HS6ST3: variants seen among roughly 807,000 people sequenced by gnomAD.
HS6ST3 encodes heparan-sulfate 6-O-sulfotransferase 3.
A neutral mutation model predicts 36.7 loss-of-function variants in HS6ST3; 12 were observed. The observed-to-expected ratio is 0.33, with a 90% CI of 0.21 to 0.53. The LOEUF is 0.53. Among genes scored for constraint, HS6ST3 ranks in the 20% least tolerant of loss-of-function variants. The probability of loss-of-function intolerance (pLI) is 0.95; values close to 1 mark genes in which losing one functional copy is unlikely to be tolerated. For synonymous variants in HS6ST3, 240 were observed against 257.5 expected (o/e 0.93, Z 0.65); for missense variants, 584 against 640.9 (o/e 0.91, Z 0.96).
At chr13:96,778,965 T>C (rs572841297) in intron 1 of HS6ST3, among the ~76,000 whole-genome samples, 1 of 152,232 alleles carries the variant, frequency 6.6e-6, no homozygotes, top group East Asian at 1.9e-4. Context: ...GTGGCACATA[T>C]ACACCATGGA....
chr13:96,819,678 G>A (rs1450757456), intron 1 of HS6ST3, among the ~76,000 whole-genome samples: 1 of 152,142 alleles, frequency 6.6e-6, no homozygotes, highest in Non-Finnish European at 1.5e-5. Context: ...ATTTAAACAA[G>A]CAAACTAAAT....
chr13:96,139,999 A>T (rs1335102097), intron 1 of HS6ST3, among the ~76,000 whole-genome samples: 5 of 152,192 alleles, frequency 3.3e-5, no homozygotes, highest in Admixed American at 3.3e-4. Context: ...GATGTGGGAC[A>T]ATTTGAAAAA....
chr13:96,385,678 AG>A (rs562957494), intron 1 of HS6ST3, among the ~76,000 whole-genome samples: 1 of 152,244 alleles, frequency 6.6e-6, no homozygotes, highest in Non-Finnish European at 1.5e-5. Flanking sequence ...ATGTAAATGT[AG>A]ATAATGCTAT....
chr13:96,779,794 C>G (rs1026471244), intron 1 of HS6ST3, among the ~76,000 whole-genome samples: 39 of 148,154 alleles, frequency 2.6e-4, no homozygotes, highest in African/African-American at 9.4e-4. Flanking sequence ...AAACATTGTT[C>G]TTATTTATAA....
chr13:96,475,282 A>G (rs535179111), intron 1 of HS6ST3, among the ~76,000 whole-genome samples: 2 of 152,228 alleles, frequency 1.3e-5, no homozygotes, highest in East Asian at 3.9e-4. Context: ...GGTTTAAGCT[A>G]TGCCTTGCAA....
intron 1 of HS6ST3, among the ~76,000 whole-genome samples, chr13:96,807,487 C>A (rs1282576267): frequency 6.6e-6 from 1 of 152,024 alleles, no homozygotes; most frequent in Non-Finnish European, 1.5e-5. Context: ...GGGAGAATGC[C>A]ATATGAAACG....
In HS6ST3 at chr13:96,534,718, G is replaced by A. The variant is rs2056148518; in HGVS notation, c.708-297772G>A. Among the ~76,000 whole-genome samples, 3 of 152,202 alleles carry A rather than the reference G, an allele frequency of 2.0e-5. No homozygotes were observed. The South Asian group carries it at 6.2e-4, about 31-fold the overall frequency. On this transcript the variant is annotated intron_variant, in intron 1 of 1. Transcript: ENST00000376705. ...ACACGCCTGTAATCCCAGTGCTTTG[G>A]GAGGCTGAGGCAGGTGGATCACCTG... is the stretch of plus-strand genomic sequence containing the variant.
chr13:96,119,633 C>T (rs1171321184), intron 1 of HS6ST3, among the ~76,000 whole-genome samples: 5 of 152,096 alleles, frequency 3.3e-5, no homozygotes, highest in African/African-American at 9.7e-5. Flanking sequence ...AAATTTGCAT[C>T]GGATCTATCC....
intron 1 of HS6ST3, among the ~76,000 whole-genome samples, chr13:96,317,329 T>G (rs2054975794): frequency 1.1e-4 from 2 of 18,720 alleles, no homozygotes; most frequent in Non-Finnish European, 2.1e-4. Context: ...TATTCCATTA[T>G]ATATATATAT....
Position 96,090,875 on chromosome 13 carries a change from T to C in HS6ST3, c.13T>C (p.Phe5Leu). The C allele has an allele frequency of 6.6e-7, 1 of 1,510,444 alleles. No individual in the cohort carries two copies. Among genetic ancestry groups the C allele is most frequent in the Non-Finnish European group, 8.9e-7 (1 of 1,124,040 alleles). 93.6% of individuals were successfully genotyped at this position (1,510,444 alleles called of 1,614,324 possible). A position where few individuals can be genotyped will look rare whatever the true frequency, so the allele number is the denominator to read the frequency against. MDER[F>L]NKWLLTPVLT... Reference sequence around the variant, plus strand: ...TGAGAGCGGGACCATGGATGAAAGGTTCAACAAGTGGCTGCTGACGCCGGT... The same window carrying C: ...TGAGAGCGGGACCATGGATGAAAGGCTCAACAAGTGGCTGCTGACGCCGGT... Residue 5 changes from phenylalanine (F) to leucine (L), a missense_variant, in exon 1 of 2, where the codon TTC becomes CTC. Transcript: ENST00000376705.
intron 1 of HS6ST3, among the ~76,000 whole-genome samples, chr13:96,831,973 A>AC (rs1878802344): frequency 6.7e-6 from 1 of 148,402 alleles, no homozygotes; most frequent in African/African-American, 2.5e-5. Context: ...AAAAAAAAAA[A>AC]AAAAAAACAG....
At chr13:96,392,936 T>A (rs1043277653) in intron 1 of HS6ST3, among the ~76,000 whole-genome samples, 3 of 151,504 alleles carry the variant, frequency 2.0e-5, no homozygotes, top group African/African-American at 4.9e-5. Context: ...CCCACCCAGA[T>A]CTCATCTTGA....
intron 1 of HS6ST3, among the ~76,000 whole-genome samples, chr13:96,623,110 T>C (rs2056500503): frequency 6.6e-6 from 1 of 152,214 alleles, no homozygotes; most frequent in South Asian, 2.1e-4. Flanking sequence ...TTTCATTTTA[T>C]TTGGTAATTT....
intron 1 of HS6ST3, among the ~76,000 whole-genome samples, chr13:96,594,535 A>G (rs949555665): frequency 2.0e-5 from 3 of 152,106 alleles, no homozygotes; most frequent in African/African-American, 7.2e-5. Flanking sequence ...GTAGCTATAA[A>G]AGATTATTCT....
chr13:96,250,998 TTTG>T (rs2054605266), intron 1 of HS6ST3, among the ~76,000 whole-genome samples: 1 of 152,202 alleles, frequency 6.6e-6, no homozygotes, highest in Admixed American at 6.5e-5. Context: ...TTTCTAGCAT[TTTG>T]TTCTCGATTT....
At chr13:96,579,328 AGACT>A (rs1225972643) in intron 1 of HS6ST3, among the ~76,000 whole-genome samples, 6 of 152,126 alleles carry the variant, frequency 3.9e-5, no homozygotes, top group African/African-American at 9.7e-5. Context: ...CTGAAGCAAG[AGACT>A]ATATGACCTT....
intron 1 of HS6ST3, among the ~76,000 whole-genome samples, chr13:96,699,620 T>C (rs908040351): frequency 6.6e-6 from 1 of 152,142 alleles, no homozygotes; most frequent in African/African-American, 2.4e-5. Flanking sequence ...TGTGGAGAAA[T>C]AGGAACACTT....
chr13:96,799,982 GTA>G (rs796234757), intron 1 of HS6ST3, among the ~76,000 whole-genome samples: 3,672 of 82,488 alleles, frequency 0.045, 255 homozygotes, highest in East Asian at 0.14. Context: ...ATATATATAT[GTA>G]TATATATATA....
intron 1 of HS6ST3, among the ~76,000 whole-genome samples, chr13:96,761,300 T>C (rs1171114743): frequency 1.3e-5 from 2 of 152,114 alleles, no homozygotes; most frequent in Non-Finnish European, 2.9e-5. Flanking sequence ...ACTATCGTGA[T>C]GATTTTCCCT....
Sources: gnomAD v4.1 joint callset for allele counts (sites outside exome capture counted in the v4.1 genomes callset) on GRCh38, gnomAD v4.1.1 for gene constraint, MANE v1.5 for transcripts, NCBI Gene and HGNC (gene_info 2026-07-23, HGNC 2026-07-21) for gene names.